PMS1: variants seen among roughly 807,000 people sequenced by gnomAD.
PMS1 encodes PMS1 protein homolog 1.
Under a neutral mutation model 93.1 loss-of-function variants are expected in PMS1, and 79 were observed. That is an observed-to-expected ratio of 0.85 (90% CI 0.71 to 1.02). PMS1 has a LOEUF of 1.02. Among genes scored for constraint, PMS1 ranks in the 50% least tolerant of loss-of-function variants. The pLI, the probability that PMS1 is intolerant of heterozygous loss-of-function variation, is 0.00. For missense variants in PMS1, 1,064 were observed against 1,085.3 expected, an observed-to-expected ratio of 0.98 and a Z score of 0.28; for synonymous variants, 335 against 363.4, an observed-to-expected ratio of 0.92 and a Z score of 0.89.
chr2:189,857,680 A>C (rs746364657), intron 9 of PMS1, among the ~76,000 whole-genome samples: 2 of 151,694 alleles, frequency 1.3e-5, no homozygotes, highest in Non-Finnish European at 2.9e-5. Flanking sequence ...ATAAGGCCTG[A>C]GGTACTCTAG....
At chr2:189,793,103 G>T (rs1459865959) in intron 2 of PMS1, among the ~76,000 whole-genome samples, 4 of 152,016 alleles carry the variant, frequency 2.6e-5, no homozygotes, top group African/African-American at 7.3e-5. Flanking sequence ...AGCCACTCAT[G>T]CCCAGCCATA....
intron 6 of PMS1, among the ~76,000 whole-genome samples, chr2:189,846,100 CT>C (rs2054230983): frequency 6.6e-6 from 1 of 152,152 alleles, no homozygotes; most frequent in Non-Finnish European, 1.5e-5. Flanking sequence ...TTTTTCATGT[CT>C]GTGGCTGGGC....
chr2:189,873,710 C>A, intron 12 of PMS1, 54 bp downstream of exon 12: 1 of 1,368,154 alleles, frequency 7.3e-7, no homozygotes, highest in Non-Finnish European at 1.0e-6. Context: ...AACTCCCGGG[C>A]CAAGCCGGTT....
Position 189,864,051 on chromosome 2 carries a change from A to G in PMS1, c.2165A>G (p.Asp722Gly), listed in dbSNP as rs746652083. 1 of 1,613,044 alleles carries G rather than the reference A, an allele frequency of 6.2e-7. No homozygotes were observed. The highest frequency in any genetic ancestry group is 8.5e-7 in the Non-Finnish European group (1 of 1,179,092). ...KQNKVDLEEK[D>G]EPCLIHNLRF... is the part of the protein sequence containing the mutation. ...AACAAAGTTGACTTAGAAGAGAAGG[A>G]TGAACCTTGCTTGATCCACAATCTC... is the stretch of plus-strand genomic sequence containing the variant. The change falls in exon 10 of 13, where the codon GAT becomes GGT. Residue 722 changes from aspartate to glycine, a missense_variant. By Grantham distance (94) the Asp-to-Gly change is moderately conservative. Transcript: ENST00000441310.
chr2:189,857,147 A>G, intron 9 of PMS1, among the ~76,000 whole-genome samples: 1 of 152,160 alleles, frequency 6.6e-6, no homozygotes, highest in East Asian at 1.9e-4. Context: ...CACATAGTAA[A>G]TGATTGCTCA....
At chr2:189,864,657 G>GAAAAAAAAAAAAAAAA (rs59807167) in intron 10 of PMS1, among the ~76,000 whole-genome samples, 1 of 3,664 alleles carries the variant, frequency 2.7e-4, no homozygotes, top group African/African-American at 6.8e-4. Context: ...GTCTGTCTCA[G>GAAAAAAAAAAAAAAAA]AAAAAAAAAA....
chr2:189,790,225 T>TA (rs1309882697), intron 1 of PMS1, among the ~76,000 whole-genome samples: 2 of 152,192 alleles, frequency 1.3e-5, no homozygotes, highest in Non-Finnish European at 2.9e-5. Flanking sequence ...AAAAAGACAT[T>TA]ATAATTCATC....
chr2:189,877,586 C>G lies in PMS1; in HGVS notation c.*150C>G. ...ACTTGTTTTTATATTGAAAAAAGTTCCACGTATTGTAGAAAACGTAAATAA... is the reference window on the plus strand; with the variant it reads ...ACTTGTTTTTATATTGAAAAAAGTTGCACGTATTGTAGAAAACGTAAATAA... On this transcript the variant is annotated 3_prime_UTR_variant, in exon 13 of 13. Transcript: ENST00000441310. 1 of 612,042 alleles carries G rather than the reference C, an allele frequency of 1.6e-6. No homozygotes were observed. The highest frequency in any genetic ancestry group is 2.8e-5 in the East Asian group (1 of 36,230). 37.9% of individuals were successfully genotyped at this position (612,042 alleles called of 1,614,324 possible). A position where few individuals can be genotyped will look rare whatever the true frequency, so the allele number is the denominator to read the frequency against.
intron 5 of PMS1, among the ~76,000 whole-genome samples, chr2:189,840,295 G>A (rs1344481979): frequency 6.6e-6 from 1 of 152,168 alleles, no homozygotes; most frequent in Non-Finnish European, 1.5e-5. Flanking sequence ...AAAGTGAGGT[G>A]CAGAAACAGC....
intron 11 of PMS1, among the ~76,000 whole-genome samples, chr2:189,868,331 A>G (rs1200865881): frequency 3.3e-5 from 5 of 152,234 alleles, no homozygotes; most frequent in East Asian, 3.8e-4. Flanking sequence ...TGTTTTGCCA[A>G]TTAGACGTGT....
At chr2:189,806,530 T>C (rs920547821) in intron 4 of PMS1, 25 of 215,930 alleles carry the variant, frequency 1.2e-4, no homozygotes, top group Non-Finnish European at 2.0e-4. Context: ...CCTCAGTAGC[T>C]GGGACTACAG....
intron 5 of PMS1, among the ~76,000 whole-genome samples, chr2:189,832,386 A>G (rs1176758477): frequency 6.6e-6 from 1 of 152,230 alleles, no homozygotes; most frequent in Admixed American, 6.5e-5. Flanking sequence ...CCTTTTCTGT[A>G]AAGTCAAATA....
intron 5 of PMS1, among the ~76,000 whole-genome samples, chr2:189,836,899 T>C (rs942985713): frequency 1.3e-5 from 2 of 152,214 alleles, no homozygotes; most frequent in African/African-American, 2.4e-5. Flanking sequence ...ATACTAACTA[T>C]TCAGCAGGTC....
intron 6 of PMS1, among the ~76,000 whole-genome samples, chr2:189,850,704 A>G (rs1218916996): frequency 6.6e-6 from 1 of 152,156 alleles, no homozygotes; most frequent in African/African-American, 2.4e-5. Context: ...AAGAGGAGGC[A>G]TTAGAGAGGA....
chr2:189,805,614 C>G, intron 3 of PMS1, 38 bp from the exon 4 acceptor site: 1 of 1,486,748 alleles, frequency 6.7e-7, no homozygotes, highest in Non-Finnish European at 9.4e-7. Flanking sequence ...ATCGCAATAT[C>G]TAAAGTGTTA....
intron 6 of PMS1, 26 bp from the exon 7 acceptor site, chr2:189,852,629 T>C (rs2054864056): frequency 1.1e-5 from 17 of 1,598,136 alleles, no homozygotes; most frequent in Non-Finnish European, 1.3e-5. Context: ...ATTGTTGACA[T>C]TGCATATTCT....
intron 3 of PMS1, 145 bp from the exon 4 acceptor site, chr2:189,805,507 A>G: frequency 2.8e-6 from 2 of 726,066 alleles, no homozygotes; most frequent in South Asian, 1.6e-5. Flanking sequence ...TCTAAGGAAT[A>G]TTACAAAAGA....
In PMS1 at chr2:189,854,231, A is replaced by G; in HGVS notation, c.967-8A>G. 1 of 1,576,268 alleles carries G rather than the reference A, an allele frequency of 6.3e-7. No homozygotes were observed. The highest frequency in any genetic ancestry group is 8.6e-7 in the Non-Finnish European group (1 of 1,157,852). Reference sequence around the variant, plus strand: ...TTTCCCCTAACATTTGTTAATTTGTATTTTTAGGAATCTGTTTTAATTGCT... The same window carrying G: ...TTTCCCCTAACATTTGTTAATTTGTGTTTTTAGGAATCTGTTTTAATTGCT... On this transcript the variant is annotated splice_polypyrimidine_tract_variant and splice_region_variant and intron_variant, in intron 8 of 12. Transcript: ENST00000441310.
chr2:189,805,631 T>C, intron 3 of PMS1, 21 bp from the exon 4 acceptor site: 1 of 1,570,990 alleles, frequency 6.4e-7, no homozygotes, highest in Non-Finnish European at 8.8e-7. Context: ...GTTAGTTTTA[T>C]TAGATGTTTT....
Sources: allele counts gnomAD v4.1 joint callset (sites outside exome capture counted in the v4.1 genomes callset), GRCh38; gene constraint gnomAD v4.1.1; transcripts MANE v1.5; gene names NCBI Gene and HGNC (gene_info 2026-07-23, HGNC 2026-07-21).